GRB14: variants seen among roughly 807,000 people sequenced by gnomAD.
The protein encoded by GRB14 is growth factor receptor bound protein 14.
A neutral mutation model predicts 69.1 loss-of-function variants in GRB14; 38 were observed. The observed-to-expected ratio is 0.55, with a 90% CI of 0.42 to 0.72. The LOEUF (loss-of-function observed/expected upper bound fraction) is 0.72. Among genes scored for constraint, GRB14 ranks in the 30% least tolerant of loss-of-function variants. The pLI, the probability that GRB14 is intolerant of heterozygous loss-of-function variation, is 0.00. For synonymous variants in GRB14, 247 were observed against 241.3 expected (o/e 1.02, Z -0.22); for missense variants, 666 against 666.1 (o/e 1.00, Z 0.00).
chr2:164,620,137 T>C (rs1411039524), intron 1 of GRB14, among the ~76,000 whole-genome samples: 2 of 139,398 alleles, frequency 1.4e-5, no homozygotes, highest in Admixed American at 1.5e-4. Flanking sequence ...AGAAACTCCA[T>C]CACTTTTGAT....
At chr2:164,494,216 TTTAA>T (rs1686833164) in intron 13 of GRB14, among the ~76,000 whole-genome samples, 1 of 152,122 alleles carries the variant, frequency 6.6e-6, no homozygotes, top group South Asian at 2.1e-4. Context: ...AAAAGGAAAA[TTTAA>T]TTTTTACAAT....
chr2:164,528,296 A>AT (rs940606033), intron 3 of GRB14, among the ~76,000 whole-genome samples: 2 of 152,090 alleles, frequency 1.3e-5, no homozygotes, highest in Admixed American at 1.3e-4. Flanking sequence ...TTCTTAATGT[A>AT]TGCCATACTT....
At chr2:164,513,444 T>C (rs7608392) in intron 6 of GRB14, among the ~76,000 whole-genome samples, 15,887 of 152,200 alleles carry the variant, frequency 0.1, 960 homozygotes, top group Middle Eastern at 0.17. Context: ...ATGACAAGTG[T>C]TGTTATAAGA....
chr2:164,520,401 T>C (rs573019133), intron 6 of GRB14, among the ~76,000 whole-genome samples: 4 of 152,070 alleles, frequency 2.6e-5, no homozygotes, highest in African/African-American at 9.6e-5. Flanking sequence ...GCCACAAAAG[T>C]TTCTAGAAGA....
intron 2 of GRB14, among the ~76,000 whole-genome samples, chr2:164,554,588 G>C (rs1688631295): frequency 6.6e-6 from 1 of 152,156 alleles, no homozygotes; most frequent in Admixed American, 6.6e-5. Context: ...AAGCCCTTCT[G>C]TGTCACTCTA....
At chr2:164,604,300 T>C (rs1689993986) in intron 2 of GRB14, among the ~76,000 whole-genome samples, 1 of 152,200 alleles carries the variant, frequency 6.6e-6, no homozygotes, top group South Asian at 2.1e-4. Flanking sequence ...TGATGGAAAT[T>C]GAGAAATTCT....
At chr2:164,578,522 GCACACACACA>G (rs61283767) in intron 2 of GRB14, among the ~76,000 whole-genome samples, 3 of 145,680 alleles carry the variant, frequency 2.1e-5, no homozygotes, top group Admixed American at 1.4e-4. Flanking sequence ...CAATTCGCGC[GCACACACACA>G]CACACACACA....
chr2:164,496,832 C>A (rs1686912376), intron 12 of GRB14, among the ~76,000 whole-genome samples, 176 bp downstream of exon 12: 1 of 152,082 alleles, frequency 6.6e-6, no homozygotes, highest in Non-Finnish European at 1.5e-5. Context: ...ACACTATGTA[C>A]CAGGTATAAT....
chr2:164,585,745 G>A (rs1294009360), intron 2 of GRB14, among the ~76,000 whole-genome samples: 8 of 152,026 alleles, frequency 5.3e-5, no homozygotes, highest in African/African-American at 9.7e-5. Flanking sequence ...ATATTAAGAA[G>A]TGATCATATA....
intron 12 of GRB14, among the ~76,000 whole-genome samples, chr2:164,496,272 C>G (rs1470593406): frequency 1.3e-5 from 2 of 152,132 alleles, no homozygotes; most frequent in Non-Finnish European, 2.9e-5. Flanking sequence ...TCATCTAAAC[C>G]ACAATACAAC....
At chr2:164,496,138 A>G (rs1686888107) in intron 12 of GRB14, among the ~76,000 whole-genome samples, 1 of 152,210 alleles carries the variant, frequency 6.6e-6, no homozygotes, top group Non-Finnish European at 1.5e-5. Context: ...GTGAAGAAGC[A>G]TTGTTATCCA....
chr2:164,577,302 T>C (rs2105334916), intron 2 of GRB14, among the ~76,000 whole-genome samples: 1 of 152,336 alleles, frequency 6.6e-6, no homozygotes, highest in South Asian at 2.1e-4. Flanking sequence ...ACATACCTGG[T>C]GTACCTAATT....
chr2:164,532,786 C>T (rs906200399), intron 3 of GRB14, among the ~76,000 whole-genome samples: 24 of 152,170 alleles, frequency 1.6e-4, no homozygotes, highest in Non-Finnish European at 2.8e-4. Flanking sequence ...TAATTTGTTA[C>T]ATAAGCCTTA....
intron 6 of GRB14, among the ~76,000 whole-genome samples, chr2:164,518,195 G>A (rs1255076866): frequency 1.3e-5 from 2 of 151,986 alleles, no homozygotes; most frequent in African/African-American, 2.4e-5. Flanking sequence ...GTAATAAATT[G>A]GAAATCAACT....
At chr2:164,617,074 A>T (rs2105364233) in intron 2 of GRB14, among the ~76,000 whole-genome samples, 1 of 152,316 alleles carries the variant, frequency 6.6e-6, no homozygotes, top group South Asian at 2.1e-4. Context: ...CTAAAGCAAA[A>T]GGATCAGTTC....
At chr2:164,493,320 A>ATATC in intron 13 of GRB14, 138 bp from the exon 14 acceptor site, 1 of 689,862 alleles carries the variant, frequency 1.4e-6, no homozygotes, top group Non-Finnish European at 2.3e-6. Context: ...ATGTTACGGC[A>ATATC]TATCTACTTG....
At position 164,492,959 on chromosome 2, in the gene GRB14, C is replaced by A. The variant is rs199637961; in HGVS notation, c.*77G>T. On this transcript the variant is annotated 3_prime_UTR_variant, in exon 14 of 14. Transcript: ENST00000263915. ...CATTCTTTTCACATGGTAATGTTTT[C>A]GCCCTTATTTATGGTCTTTTATTAT... The A allele has an allele frequency of 1.4e-5, 19 of 1,322,064 alleles. No individual in the cohort carries two copies. Among genetic ancestry groups the A allele is most frequent in the Non-Finnish European group, 4.1e-6 (4 of 969,474 alleles). 81.9% of individuals were successfully genotyped at this position (1,322,064 alleles called of 1,614,324 possible). A position where few individuals can be genotyped will look rare whatever the true frequency, so the allele number is the denominator to read the frequency against.
chr2:164,620,764 T>C (rs1298739122), intron 1 of GRB14, among the ~76,000 whole-genome samples: 4 of 152,180 alleles, frequency 2.6e-5, no homozygotes, highest in Non-Finnish European at 5.9e-5. Flanking sequence ...AATACATTTA[T>C]GCTACGATTT....
At chr2:164,535,932 G>A (rs564238214) in intron 3 of GRB14, among the ~76,000 whole-genome samples, 1 of 152,256 alleles carries the variant, frequency 6.6e-6, no homozygotes, top group Admixed American at 6.5e-5. Context: ...TATATTCAGA[G>A]GCAGCCTTAT....
Sources: gnomAD v4.1 joint callset for allele counts (sites outside exome capture counted in the v4.1 genomes callset) on GRCh38, gnomAD v4.1.1 for gene constraint, MANE v1.5 for transcripts, NCBI Gene and HGNC (gene_info 2026-07-23, HGNC 2026-07-21) for gene names.